LRRC4B: variants seen among roughly 807,000 people sequenced by gnomAD.
The protein encoded by LRRC4B is leucine rich repeat containing 4B.
Under a neutral mutation model 7.3 loss-of-function variants are expected in LRRC4B, and 1 was observed. The observed-to-expected ratio is 0.14, with a 90% confidence interval of 0.05 to 0.65. The LOEUF is 0.65. Ranked by LOEUF, LRRC4B falls within the 30% of genes least tolerant of loss-of-function variation. LRRC4B has a pLI of 0.84. For missense variants in LRRC4B, 730 were observed against 1,041.6 expected, an observed-to-expected ratio of 0.70 and a Z score of 4.12; for synonymous variants, 500 against 499.2, an observed-to-expected ratio of 1.00 and a Z score of -0.02.
chr19:50,518,893 C>T lies in LRRC4B; in HGVS notation c.820G>A (p.Asp274Asn), dbSNP rs1251230573. 5 of 1,613,888 alleles carry T rather than the reference C, an allele frequency of 3.1e-6. No individual in the cohort carries two copies. Among genetic ancestry groups the T allele is most frequent in the African/African-American group, 1.3e-5 (1 of 74,892 alleles). Residue 274 changes from aspartate to asparagine, a missense_variant, in exon 3 of 3, where the codon GAC (aspartate) becomes AAC (asparagine). Around this residue, in one of 6 missense-constraint regions of LRRC4B, gnomAD observed 226 missense variants for 448.0 expected, o/e 0.50. Coordinates refer to ENST00000652263, the MANE Select transcript of LRRC4B (RefSeq NM_001080457.2). ...AGCTCCTCCAGCGACTTGAGGTCGT[C>T]GAAGGCGTTGCGCTCGATGGTGGCT... ...QVATIERNAF[D>N]DLKSLEELNL...
rs143123202 is a variant in LRRC4B at position 50,543,335 on chromosome 19, G to GGTGTGTGTGTGTGTGTGTGT, written c.297+5187_297+5206dup. Among the ~76,000 whole-genome samples the GGTGTGTGTGTGTGTGTGTGT allele has an allele frequency of 8.3e-4, 121 of 145,286 alleles. 2 individuals carry two copies. The highest frequency in any genetic ancestry group is 2.8e-3 in the African/African-American group (109 of 38,806). On this transcript the variant is annotated intron_variant, in intron 2 of 2. Transcript: ENST00000652263. ...TACCAATGCTCCAGTGCCAGGCCCT[G>GGTGTGTGTGTGTGTGTGTGT]GTGTGTGTGTGTGTGTGTGTGTGTG...
chr19:50,561,942 C>CAAATAAAT (rs139268581), intron 1 of LRRC4B, among the ~76,000 whole-genome samples: 288 of 147,708 alleles, frequency 1.9e-3, no homozygotes, highest in African/African-American at 4.2e-3. Context: ...CCATAAAATA[C>CAAATAAAT]AAATAAATAA....
chr19:50,547,654 C>G (rs139049304), intron 2 of LRRC4B, among the ~76,000 whole-genome samples: 3 of 148,064 alleles, frequency 2.0e-5, no homozygotes, highest in African/African-American at 7.5e-5. Context: ...CTACTGGCAT[C>G]TAGTGGCCGG....
At chr19:50,554,057 G>A (rs111976789) in intron 1 of LRRC4B, among the ~76,000 whole-genome samples, 4,944 of 148,776 alleles carry the variant, frequency 0.033, 283 homozygotes, top group African/African-American at 0.12. Flanking sequence ...GCAGTGGCGC[G>A]ATCTCAGCTC....
intron 2 of LRRC4B, among the ~76,000 whole-genome samples, chr19:50,528,754 G>A (rs1980927631): frequency 6.6e-6 from 1 of 152,234 alleles, no homozygotes; most frequent in Non-Finnish European, 1.5e-5. Flanking sequence ...GCAGGAGGGT[G>A]TGAATGTATT....
intron 1 of LRRC4B, among the ~76,000 whole-genome samples, chr19:50,551,969 C>T (rs1272210221): frequency 6.6e-6 from 1 of 152,140 alleles, no homozygotes; most frequent in South Asian, 2.1e-4. Context: ...CCTCCCCCTC[C>T]CCCGCTAATC....
Position 50,518,106 on chromosome 19 carries a change from G to T in LRRC4B, c.1607C>A (p.Ser536Tyr). 1 of 1,596,284 alleles carries T rather than the reference G, an allele frequency of 6.3e-7. No homozygotes were observed. The change falls in exon 3 of 3, where the codon TCT becomes TAT. Residue 536 changes from serine (S) to tyrosine (Y), a missense_variant. Physicochemically the swap from Ser to Tyr is moderately radical, Grantham distance 144. Transcript: ENST00000652263. ...GCGCGGGGCGGGTGCCGTGGTAGAA[G>T]ACGAGGCAGGGCCGGCCGCGTCCCC... ...RPGDAAGPAS[S>Y]STTAPAPRSS...
Position 50,518,287 on chromosome 19 carries a change from C to T in LRRC4B, c.1426G>A (p.Gly476Ser). 1 of 1,599,124 alleles carries T rather than the reference C, an allele frequency of 6.3e-7. No homozygotes were observed. The highest frequency in any genetic ancestry group is 8.5e-7 in the Non-Finnish European group (1 of 1,173,436). ...TAGCCGCCACTGCCCCCTCCAACAC[C>T]ACCACTGCCCCCAGGGCCGCCCCCG... ...SGGGGPGGSG[G>S]VGGGSGGYTY... is the part of the protein sequence containing the mutation. The change falls in exon 3 of 3, where the codon GGT (glycine) becomes AGT (serine). Residue 476 changes from glycine (G) to serine (S), a missense_variant. Gly to Ser is a moderately conservative substitution (Grantham distance 56). Around this residue, in one of 6 missense-constraint regions of LRRC4B, gnomAD observed 192 missense variants for 228.6 expected, o/e 0.84. Coordinates refer to ENST00000652263, the MANE Select transcript of LRRC4B (RefSeq NM_001080457.2).
At chr19:50,549,278 G>A (rs1315084430) in intron 1 of LRRC4B, among the ~76,000 whole-genome samples, 1 of 152,198 alleles carries the variant, frequency 6.6e-6, no homozygotes, top group Non-Finnish European at 1.5e-5. Flanking sequence ...GACAGACAAG[G>A]CGAGGGGGCA....
intron 2 of LRRC4B, among the ~76,000 whole-genome samples, chr19:50,533,199 T>C (rs1375012979): frequency 6.6e-6 from 1 of 152,238 alleles, no homozygotes; most frequent in Non-Finnish European, 1.5e-5. Context: ...ATTCTTCCTA[T>C]AATGTTATTT....
chr19:50,545,364 C>T (rs1047919701), intron 2 of LRRC4B, among the ~76,000 whole-genome samples: 3 of 146,498 alleles, frequency 2.0e-5, no homozygotes, highest in Non-Finnish European at 3.0e-5. Flanking sequence ...GCCGAGATCA[C>T]GCCATTGCAC....
chr19:50,530,294 T>C (rs564335975), intron 2 of LRRC4B, among the ~76,000 whole-genome samples: 1 of 152,286 alleles, frequency 6.6e-6, no homozygotes, highest in Admixed American at 6.5e-5. Context: ...TCAGCCTGTA[T>C]TGGAAGCCCT....
chr19:50,520,227 A>G (rs1293674858), intron 2 of LRRC4B, among the ~76,000 whole-genome samples: 14 of 68,424 alleles, frequency 2.0e-4, no homozygotes, highest in South Asian at 1.5e-3. Context: ...AAAAAAAAAA[A>G]AAAAAAAAAA....
At chr19:50,535,125 C>T (rs1327898340) in intron 2 of LRRC4B, among the ~76,000 whole-genome samples, 4 of 152,170 alleles carry the variant, frequency 2.6e-5, no homozygotes, top group Admixed American at 6.6e-5. Flanking sequence ...GCCTTGGCCT[C>T]CCAAAGTGCT....
rs530234392 is a variant in LRRC4B at position 50,555,097 on chromosome 19, GC to G, written c.-35-6225del. On this transcript the variant is annotated intron_variant, in intron 1 of 2. Transcript: ENST00000652263. The surrounding 1 kb of genome is among the most constrained non-coding windows in gnomAD (Gnocchi z 5.2). ...GCAGAGGCTCCATGGACTGCCCTCT[GC>G]CCCCACGCACCCCTAGTAGTGATGG... 2.2e-3 allele frequency among the ~76,000 whole-genome samples: 330 copies of G among 152,296 alleles called. 1 individual carries two copies. Among genetic ancestry groups the G allele is most frequent in the African/African-American group, 7.5e-3 (310 of 41,554 alleles).
chr19:50,551,235 C>A (rs1052095276), intron 1 of LRRC4B, among the ~76,000 whole-genome samples: 14 of 151,966 alleles, frequency 9.2e-5, no homozygotes, highest in Non-Finnish European at 1.3e-4. Context: ...GCCCAGGCCC[C>A]CCCCTCCACA....
chr19:50,534,961 C>T (rs558371765), intron 2 of LRRC4B, among the ~76,000 whole-genome samples: 161 of 151,712 alleles, frequency 1.1e-3, no homozygotes, highest in Non-Finnish European at 1.7e-3. Context: ...CTCTGCCTCC[C>T]GGGTTCAAGT....
intron 1 of LRRC4B, among the ~76,000 whole-genome samples, chr19:50,565,921 T>A (rs918364054): frequency 6.6e-6 from 1 of 152,092 alleles, no homozygotes; most frequent in Non-Finnish European, 1.5e-5. Flanking sequence ...TTTCGGAGGC[T>A]GGGTCCCTTC....
chr19:50,566,294 G>A (rs1050983934), intron 1 of LRRC4B, among the ~76,000 whole-genome samples: 3 of 151,970 alleles, frequency 2.0e-5, no homozygotes, highest in Non-Finnish European at 4.4e-5. Context: ...GCGGCTGCGC[G>A]GCCGGGACTT....
Sources: allele counts gnomAD v4.1 joint callset (sites outside exome capture counted in the v4.1 genomes callset), GRCh38; gene constraint gnomAD v4.1.1; regional missense constraint gnomAD v4.1.1; non-coding constraint Gnocchi (gnomAD v3.1); transcripts MANE v1.5; gene names NCBI Gene and HGNC (gene_info 2026-07-23, HGNC 2026-07-21).